ARL15: variants seen among roughly 807,000 people sequenced by gnomAD.
ARL15 encodes ARF like GTPase 15.
ARL15 carries 19 observed loss-of-function variants against 25.2 expected under a neutral mutation model. That is an observed-to-expected ratio of 0.75 (90% CI 0.53 to 1.10). The LOEUF (loss-of-function observed/expected upper bound fraction) is 1.10, where lower values mean the gene tolerates loss of function less well. ARL15 is among the 50% of genes least tolerant of loss of function. The pLI is 0.00. For missense variants in ARL15, 220 were observed against 246.0 expected (o/e 0.89, Z 0.71); for synonymous variants, 94 against 86.8 (o/e 1.08, Z -0.46).
At chr5:54,017,598 A>C (rs35728614) in intron 4 of ARL15, among the ~76,000 whole-genome samples, 208 of 151,414 alleles carry the variant, frequency 1.4e-3, no homozygotes, top group Middle Eastern at 3.4e-3. Flanking sequence ...AAAAAAAAAA[A>C]AAAAAACCCA....
At chr5:54,212,049 C>G (rs191055028) in intron 1 of ARL15, among the ~76,000 whole-genome samples, 33 of 152,202 alleles carry the variant, frequency 2.2e-4, no homozygotes, top group African/African-American at 7.5e-4. Context: ...ATCACCAAAC[C>G]TAAAGGGCCA....
At chr5:54,222,863 G>T (rs190567504) in intron 1 of ARL15, among the ~76,000 whole-genome samples, 3 of 151,780 alleles carry the variant, frequency 2.0e-5, no homozygotes, top group Admixed American at 6.6e-5. Context: ...TCACTCTGTC[G>T]CCCAAGAGTG....
At chr5:54,070,827 G>A (rs1457167993) in intron 4 of ARL15, among the ~76,000 whole-genome samples, 3 of 151,750 alleles carry the variant, frequency 2.0e-5, no homozygotes, top group Admixed American at 1.3e-4. Flanking sequence ...TAGCTTGGGT[G>A]ACAGATTGAG....
chr5:54,070,187 T>TTG (rs1490961505), intron 4 of ARL15, among the ~76,000 whole-genome samples: 1 of 150,924 alleles, frequency 6.6e-6, no homozygotes, highest in Non-Finnish European at 1.5e-5. Context: ...AGTCAGGAGA[T>TTG]CAAGACCATC....
intron 4 of ARL15, among the ~76,000 whole-genome samples, chr5:54,002,961 A>G (rs938162595): frequency 6.6e-6 from 1 of 152,334 alleles, no homozygotes; most frequent in African/African-American, 2.4e-5. Context: ...TTGATAGTTA[A>G]TAATTTTCTG....
chr5:54,289,481 T>C (rs1415428499), intron 1 of ARL15, among the ~76,000 whole-genome samples: 5 of 152,206 alleles, frequency 3.3e-5, no homozygotes, highest in African/African-American at 1.2e-4. Context: ...CCAAAAAAGC[T>C]TTCAACAGCT....
At chr5:54,257,645 A>G (rs1411216084) in intron 1 of ARL15, among the ~76,000 whole-genome samples, 2 of 152,224 alleles carry the variant, frequency 1.3e-5, no homozygotes, top group African/African-American at 2.4e-5. Flanking sequence ...TTATAATCAT[A>G]TATTACTTTC....
intron 4 of ARL15, among the ~76,000 whole-genome samples, chr5:54,089,938 T>C (rs1752083309): frequency 6.6e-6 from 1 of 152,176 alleles, no homozygotes; most frequent in South Asian, 2.1e-4. Flanking sequence ...TTGCAAAATT[T>C]TAAAACCCAG....
intron 3 of ARL15, among the ~76,000 whole-genome samples, chr5:54,145,933 T>G (rs1753896156): frequency 6.6e-6 from 1 of 152,174 alleles, no homozygotes; most frequent in Non-Finnish European, 1.5e-5. Flanking sequence ...CTAAACTTAG[T>G]GTATCTCCAT....
chr5:53,933,031 A>G (rs1025116621), intron 4 of ARL15, among the ~76,000 whole-genome samples: 1 of 152,210 alleles, frequency 6.6e-6, no homozygotes, highest in Non-Finnish European at 1.5e-5. Flanking sequence ...CAGAGTCAAC[A>G]CTTTAGTTTA....
rs180842180 is a variant in ARL15 at position 54,287,022 on chromosome 5, C to T, written c.48+23410G>A. Among the ~76,000 whole-genome samples the T allele has an allele frequency of 9.7e-3, 1,477 of 151,638 alleles. 8 individuals carry two copies. The highest frequency in any genetic ancestry group is 0.02 in the Middle Eastern group (6 of 294). ...CCTCCCAAATAGCTAGGACTACAGG[C>T]GCACGCCACCATACCCAGCTAATTT... On this transcript the variant is annotated intron_variant, in intron 1 of 4. Transcript: ENST00000504924.
At chr5:53,910,672 TAA>T (rs1491141611) in intron 4 of ARL15, among the ~76,000 whole-genome samples, 21 of 132,256 alleles carry the variant, frequency 1.6e-4, no homozygotes, top group African/African-American at 4.4e-4. Flanking sequence ...TATATATATA[TAA>T]AGAAAACGTC....
intron 1 of ARL15, among the ~76,000 whole-genome samples, chr5:54,260,446 G>C (rs990691300): frequency 6.6e-6 from 1 of 152,080 alleles, no homozygotes; most frequent in Non-Finnish European, 1.5e-5. Context: ...TTCAGAGTCT[G>C]GTCTGTCACT....
intron 1 of ARL15, among the ~76,000 whole-genome samples, chr5:54,181,775 G>A (rs941352759): frequency 6.6e-6 from 1 of 152,076 alleles, no homozygotes; most frequent in Non-Finnish European, 1.5e-5. Context: ...CTCTTCAAAA[G>A]AAAAATTTAT....
At chr5:53,933,689 CA>C in intron 4 of ARL15, among the ~76,000 whole-genome samples, 2 of 139,064 alleles carry the variant, frequency 1.4e-5, no homozygotes, top group African/African-American at 5.2e-5. Flanking sequence ...CAGTCAGATA[CA>C]TCAGAATGAA....
At position 54,050,108 on chromosome 5, in the gene ARL15, C is replaced by A. The variant is rs148963001; in HGVS notation, c.462+63094G>T. Among the ~76,000 whole-genome samples, 392 of 152,222 alleles carry A rather than the reference C, an allele frequency of 2.6e-3. 2 individuals carry two copies. Among genetic ancestry groups the A allele is most frequent in the African/African-American group, 9.2e-3 (383 of 41,556 alleles). On this transcript the variant is annotated intron_variant, in intron 4 of 4. Transcript: ENST00000504924. Reference sequence around the variant, plus strand: ...TGGATTGCCTTCAACTATGTGACAACGAAGAATTCAAGCACCAAAATAGCA... The same window carrying A: ...TGGATTGCCTTCAACTATGTGACAAAGAAGAATTCAAGCACCAAAATAGCA...
intron 2 of ARL15, 95 bp from the exon 3 acceptor site, chr5:54,154,734 G>C (rs1754172910): frequency 1.4e-6 from 1 of 711,008 alleles, no homozygotes; most frequent in Non-Finnish European, 2.3e-6. Context: ...GGCTGGTTAA[G>C]ATTTATTTAC....
intron 4 of ARL15, among the ~76,000 whole-genome samples, chr5:53,891,402 G>A (rs540775576): frequency 6.6e-6 from 1 of 152,144 alleles, no homozygotes; most frequent in Non-Finnish European, 1.5e-5. Flanking sequence ...ACTCTGCTCT[G>A]CATCATAGAA....
intron 2 of ARL15, among the ~76,000 whole-genome samples, chr5:54,163,530 A>G (rs1456530679): frequency 6.6e-6 from 1 of 151,290 alleles, no homozygotes; most frequent in Non-Finnish European, 1.5e-5. Context: ...GGTAGGATTC[A>G]CTAGTGAAAC....
Sources: allele counts gnomAD v4.1 joint callset (sites outside exome capture counted in the v4.1 genomes callset), GRCh38; gene constraint gnomAD v4.1.1; transcripts MANE v1.5; gene names NCBI Gene and HGNC (gene_info 2026-07-23, HGNC 2026-07-21).